Variants in GLCCI1 observed in about 807,000 individuals in gnomAD.
GLCCI1 encodes glucocorticoid induced 1.
A neutral mutation model predicts 52.2 loss-of-function variants in GLCCI1; 24 were observed. The observed-to-expected ratio is 0.46, with a 90% confidence interval of 0.33 to 0.65. The LOEUF is 0.65. Ranked by LOEUF, GLCCI1 falls within the 30% of genes least tolerant of loss-of-function variation. The probability of loss-of-function intolerance (pLI) is 0.02; values close to 1 mark genes in which losing one functional copy is unlikely to be tolerated. For synonymous variants in GLCCI1, 310 were observed against 276.5 expected (o/e 1.12, Z -1.20); for missense variants, 704 against 701.5 (o/e 1.00, Z -0.04).
At chr7:7,984,013 T>A (rs1184631759) in intron 1 of GLCCI1, among the ~76,000 whole-genome samples, 1 of 152,214 alleles carries the variant, frequency 6.6e-6, no homozygotes, top group Non-Finnish European at 1.5e-5. Context: ...TTTAAAGTTC[T>A]ATTAAGTGAA....
In GLCCI1 at chr7:8,031,551, TGGG is replaced by T. The variant is rs1270340548; in HGVS notation, c.696+8983_696+8985del. On this transcript the variant is annotated intron_variant, in intron 3 of 7. Coordinates refer to ENST00000223145, the MANE Select transcript of GLCCI1 (RefSeq NM_138426.4). ...TTTAAAAGTACTAAAAGGGTATAATTGGGTTGTTAGTAACATAAAGAATAAATG... is the reference window on the plus strand; with the variant it reads ...TTTAAAAGTACTAAAAGGGTATAATTTTGTTAGTAACATAAAGAATAAATG... 2.0e-5 allele frequency among the ~76,000 whole-genome samples: 3 copies of T among 152,076 alleles called. No homozygotes were observed. In the East Asian group the frequency reaches 5.8e-4, roughly 29 times the overall value.
chr7:7,979,011 C>T (rs952777622), intron 1 of GLCCI1, among the ~76,000 whole-genome samples: 2 of 152,192 alleles, frequency 1.3e-5, no homozygotes, highest in Non-Finnish European at 2.9e-5. Context: ...TACTCTGACA[C>T]ATTGACCTTA....
At chr7:8,052,616 T>C (rs1265309683) in intron 3 of GLCCI1, among the ~76,000 whole-genome samples, 1 of 152,178 alleles carries the variant, frequency 6.6e-6, no homozygotes, top group East Asian at 1.9e-4. Context: ...CAGTCTGCCT[T>C]GGGGCAGGAG....
chr7:7,974,231 A>G (rs1780418978), intron 1 of GLCCI1, among the ~76,000 whole-genome samples: 1 of 152,188 alleles, frequency 6.6e-6, no homozygotes, highest in African/African-American at 2.4e-5. Flanking sequence ...CAATCAGTGA[A>G]TAGCAAAATA....
At chr7:8,047,460 A>AT (rs1398952912) in intron 3 of GLCCI1, among the ~76,000 whole-genome samples, 3 of 152,202 alleles carry the variant, frequency 2.0e-5, no homozygotes, top group Non-Finnish European at 1.5e-5. Context: ...AATACTTACC[A>AT]CTTTTTACAA....
intron 1 of GLCCI1, chr7:7,980,818 C>T: frequency 2.9e-6 from 2 of 689,330 alleles, no homozygotes; most frequent in Non-Finnish European, 5.4e-6. Context: ...ATAAATGAGA[C>T]CTTTGTTGAC....
intron 1 of GLCCI1, chr7:7,981,608 CT>C: frequency 9.6e-6 from 2 of 207,394 alleles, no homozygotes; most frequent in Non-Finnish European, 1.9e-5. Context: ...CAGATGTATG[CT>C]TTTATTGAAT....
chr7:7,976,153 A>C (rs573776767), intron 1 of GLCCI1, among the ~76,000 whole-genome samples: 15 of 152,238 alleles, frequency 9.9e-5, no homozygotes, highest in African/African-American at 3.6e-4. Flanking sequence ...CGTATACCTT[A>C]ATGATGGCTC....
intron 2 of GLCCI1, among the ~76,000 whole-genome samples, chr7:8,021,884 G>A (rs1324022801): frequency 1.3e-5 from 2 of 152,082 alleles, no homozygotes; most frequent in African/African-American, 2.4e-5. Flanking sequence ...TTTAGAAGAT[G>A]TATTACTTTA....
intron 1 of GLCCI1, among the ~76,000 whole-genome samples, chr7:7,972,105 C>T (rs1780366113): frequency 6.6e-6 from 1 of 152,180 alleles, no homozygotes; most frequent in African/African-American, 2.4e-5. Context: ...ATGATCTGAA[C>T]AGTTGATTTA....
rs192707067 is a variant in GLCCI1 at position 8,008,634 on chromosome 7, G to A, written c.609+4575G>A. ...TAATAGAAGTTTGGGTTATGTTGGC[G>A]AATTCATTTATCGGAACTTACCCAA... On this transcript the variant is annotated intron_variant, in intron 2 of 7. Transcript: ENST00000223145. 2.9e-4 allele frequency among the ~76,000 whole-genome samples: 44 copies of A among 152,180 alleles called. No homozygotes were observed. The East Asian group carries it at 6.6e-3, about 23-fold the overall frequency.
At chr7:8,018,574 C>G (rs1781421968) in intron 2 of GLCCI1, among the ~76,000 whole-genome samples, 1 of 152,098 alleles carries the variant, frequency 6.6e-6, no homozygotes. Context: ...CAGGTTGGAG[C>G]TGGGAGGATG....
At chr7:7,996,840 A>G (rs75499390) in intron 1 of GLCCI1, among the ~76,000 whole-genome samples, 4,240 of 152,250 alleles carry the variant, frequency 0.028, 196 homozygotes, top group African/African-American at 0.094. Context: ...CTTCTGTGGT[A>G]GGGTTCCAGG....
chr7:8,009,037 C>T (rs1781209270), intron 2 of GLCCI1, among the ~76,000 whole-genome samples: 1 of 152,132 alleles, frequency 6.6e-6, no homozygotes, highest in Admixed American at 6.6e-5. Context: ...ACCCGATTTG[C>T]ACATTCACAC....
chr7:8,046,395 T>A (rs1405617825), intron 3 of GLCCI1, among the ~76,000 whole-genome samples: 1 of 152,180 alleles, frequency 6.6e-6, no homozygotes, highest in Non-Finnish European at 1.5e-5. Flanking sequence ...ACATGCCTCT[T>A]TATGCCCTCC....
intron 2 of GLCCI1, among the ~76,000 whole-genome samples, chr7:8,007,895 T>C (rs1344852350): frequency 6.6e-6 from 1 of 152,206 alleles, no homozygotes; most frequent in African/African-American, 2.4e-5. Context: ...AACCAGATCA[T>C]GTATTCAAAT....
intron 1 of GLCCI1, among the ~76,000 whole-genome samples, chr7:7,984,909 T>C (rs1157084252): frequency 1.3e-5 from 2 of 152,234 alleles, no homozygotes; most frequent in Non-Finnish European, 2.9e-5. Flanking sequence ...TGAAAAGATA[T>C]GCTTATATTG....
chr7:7,997,734 C>T (rs565455448), intron 1 of GLCCI1, among the ~76,000 whole-genome samples: 237 of 152,144 alleles, frequency 1.6e-3, no homozygotes, highest in African/African-American at 5.4e-3. Context: ...TCAAGACCAG[C>T]CTGGCCAACA....
intron 3 of GLCCI1, among the ~76,000 whole-genome samples, chr7:8,040,714 C>G (rs1158628137): frequency 6.6e-6 from 1 of 152,130 alleles, no homozygotes; most frequent in African/African-American, 2.4e-5. Context: ...ATTTAGCATA[C>G]AACCCAACAA....
Sources: allele counts gnomAD v4.1 joint callset (sites outside exome capture counted in the v4.1 genomes callset), GRCh38; gene constraint gnomAD v4.1.1; transcripts MANE v1.5; gene names NCBI Gene and HGNC (gene_info 2026-07-23, HGNC 2026-07-21).